ANXA8: variants seen among roughly 807,000 people sequenced by gnomAD.
ANXA8 encodes the protein VAC-beta.
Under a neutral mutation model 26.8 loss-of-function variants are expected in ANXA8, and 9 were observed. The ratio of observed to expected loss-of-function variants is 0.34; its 90% CI spans 0.20 to 0.59. The LOEUF (loss-of-function observed/expected upper bound fraction) is 0.59. Ranked by LOEUF, ANXA8 falls within the 20% of genes least tolerant of loss-of-function variation. The probability of loss-of-function intolerance (pLI) is 0.84; values close to 1 mark genes in which losing one functional copy is unlikely to be tolerated. For missense variants in ANXA8, 83 were observed against 238.5 expected (o/e 0.35, Z 4.29); for synonymous variants, 39 against 94.8 (o/e 0.41, Z 3.42).
the ANXA8 span, among the ~76,000 whole-genome samples, chr10:47,718,050 G>T: frequency 6.6e-6 from 1 of 150,506 alleles, no homozygotes; most frequent in Non-Finnish European, 1.5e-5. Context: ...GGAGAGCAAG[G>T]GTTGAAAAAC....
At chr10:47,733,045 A>T in the ANXA8 span, among the ~76,000 whole-genome samples, 2 of 150,704 alleles carry the variant, frequency 1.3e-5, no homozygotes, top group African/African-American at 4.9e-5. Context: ...CTTGAGCAAA[A>T]AAGGGGGACT....
chr10:47,522,230 T>C, the ANXA8 span, among the ~76,000 whole-genome samples: 110 of 142,400 alleles, frequency 7.7e-4, 14 homozygotes, highest in African/African-American at 2.7e-3. Flanking sequence ...AAAGTCTACG[T>C]TGACGTTTCA....
At chr10:47,508,043 C>A in the ANXA8 span, among the ~76,000 whole-genome samples, 6 of 132,004 alleles carry the variant, frequency 4.5e-5, no homozygotes, top group African/African-American at 1.4e-4. Flanking sequence ...TACAAGTTTG[C>A]GCCACTATGC....
chr10:47,701,386 A>T, the ANXA8 span, among the ~76,000 whole-genome samples: 1 of 151,826 alleles, frequency 6.6e-6, no homozygotes, highest in Non-Finnish European at 1.5e-5. Flanking sequence ...CTGAAGCTAC[A>T]TCTCCAACAA....
chr10:47,680,947 GCT>G, the ANXA8 span, among the ~76,000 whole-genome samples: 1 of 150,762 alleles, frequency 6.6e-6, no homozygotes, highest in Non-Finnish European at 1.5e-5. Context: ...TTGGATTCTA[GCT>G]CCACATTGTG....
chr10:47,481,703 G>A (rs1302887592), intron 1 of ANXA8, among the ~76,000 whole-genome samples: 2 of 149,428 alleles, frequency 1.3e-5, no homozygotes, highest in Non-Finnish European at 1.5e-5. Flanking sequence ...TTGCTGCATT[G>A]AGAAGCCTCT....
At chr10:47,722,661 G>A in the ANXA8 span, among the ~76,000 whole-genome samples, 16 of 141,066 alleles carry the variant, frequency 1.1e-4, 2 homozygotes, top group Admixed American at 4.3e-4. Flanking sequence ...TTTCCTCAGA[G>A]CAGGAAAGGC....
At chr10:47,763,736 C>T in the ANXA8 span, 1 of 140,398 alleles carries the variant, frequency 7.1e-6, no homozygotes, top group Non-Finnish European at 1.5e-5. Context: ...CTCGAGGCGT[C>T]TGAGTGGGGA....
chr10:47,953,447 A>G, the ANXA8 span, among the ~76,000 whole-genome samples: 1 of 150,864 alleles, frequency 6.6e-6, no homozygotes, highest in African/African-American at 2.5e-5. Flanking sequence ...GGGAGCAACT[A>G]GAACTCTTGT....
chr10:47,591,434 ATTTTTTTTTTTT>A, the ANXA8 span, among the ~76,000 whole-genome samples: 46 of 60,208 alleles, frequency 7.6e-4, no homozygotes, highest in Middle Eastern at 9.1e-3. Flanking sequence ...TTCTTTCTGA[ATTTTTTTTTTTT>A]TTTTTTTTTT....
At chr10:47,989,731 C>A in the ANXA8 span, among the ~76,000 whole-genome samples, 105 of 87,776 alleles carry the variant, frequency 1.2e-3, 19 homozygotes, top group African/African-American at 3.3e-3. Context: ...GGAGCTGCCA[C>A]GCCTTGGCCT....
the ANXA8 span, among the ~76,000 whole-genome samples, chr10:47,504,769 G>A: frequency 7.2e-6 from 1 of 139,772 alleles, no homozygotes; most frequent in African/African-American, 2.7e-5. Flanking sequence ...ATAAACCAGT[G>A]GTTCTCCAAA....
the ANXA8 span, among the ~76,000 whole-genome samples, chr10:47,702,600 C>A: frequency 6.6e-6 from 1 of 151,514 alleles, no homozygotes; most frequent in African/African-American, 2.4e-5. Context: ...TTTGGCCTCC[C>A]AAAGTGCTGA....
chr10:47,621,256 A>G, the ANXA8 span, among the ~76,000 whole-genome samples: 11 of 106,964 alleles, frequency 1.0e-4, no homozygotes, highest in Non-Finnish European at 2.2e-4. Flanking sequence ...TGGGAAATGG[A>G]AATATTTTTT....
chr10:47,702,328 ATTTTC>A, the ANXA8 span, among the ~76,000 whole-genome samples: 3 of 146,996 alleles, frequency 2.0e-5, no homozygotes, highest in Non-Finnish European at 3.0e-5. Flanking sequence ...GTCTGTAAAC[ATTTTC>A]TTTTCTTTTC....
chr10:47,746,929 A>G, the ANXA8 span, among the ~76,000 whole-genome samples: 2 of 122,010 alleles, frequency 1.6e-5, no homozygotes, highest in South Asian at 6.5e-4. Flanking sequence ...TTTTTCTGAG[A>G]AAAGAATTCT....
At chr10:47,957,076 T>C in the ANXA8 span, among the ~76,000 whole-genome samples, 1 of 150,368 alleles carries the variant, frequency 6.7e-6, no homozygotes, top group Non-Finnish European at 1.5e-5. Flanking sequence ...TGCAGATTCA[T>C]TGATTTTCCA....
the ANXA8 span, among the ~76,000 whole-genome samples, chr10:47,960,648 C>T: frequency 3.1e-4 from 47 of 149,336 alleles, 4 homozygotes; most frequent in East Asian, 1.6e-3. Flanking sequence ...TTATATGGTT[C>T]GATTAATCTT....
upstream of ANXA8, among the ~76,000 whole-genome samples, chr10:47,488,713 ATTTT>A (rs1160121365): frequency 3.1e-3 from 194 of 62,016 alleles, no homozygotes; most frequent in African/African-American, 0.013. Flanking sequence ...TACATGTTAA[ATTTT>A]TTTTTTTTTT....
Sources: gnomAD v4.1 joint callset for allele counts (sites outside exome capture counted in the v4.1 genomes callset) on GRCh38, gnomAD v4.1.1 for gene constraint, MANE v1.5 for transcripts, NCBI Gene and HGNC (gene_info 2026-07-23, HGNC 2026-07-21) for gene names.